DYM: variants seen among roughly 807,000 people sequenced by gnomAD.
DYM encodes the protein dyggve-Melchior-Clausen syndrome protein.
Under a neutral mutation model 93.1 loss-of-function variants are expected in DYM, and 78 were observed. That is an observed-to-expected ratio of 0.84 (90% CI 0.70 to 1.01). The LOEUF (loss-of-function observed/expected upper bound fraction) is 1.01, where lower values mean the gene tolerates loss of function less well. Among genes scored for constraint, DYM ranks in the 50% least tolerant of loss-of-function variants. DYM has a pLI of 0.00. For missense variants in DYM, 789 were observed against 845.0 expected, an observed-to-expected ratio of 0.93 and a Z score of 0.82; for synonymous variants, 321 against 319.7, an observed-to-expected ratio of 1.00 and a Z score of -0.04.
At chr18:49,283,865 CT>C (rs1187015304) in intron 9 of DYM, among the ~76,000 whole-genome samples, 2 of 152,178 alleles carry the variant, frequency 1.3e-5, no homozygotes, top group Non-Finnish European at 2.9e-5. Flanking sequence ...ACCAAAATGC[CT>C]TCAGGTTTAC....
At chr18:49,453,786 T>C (rs1481822994) in intron 1 of DYM, among the ~76,000 whole-genome samples, 2 of 152,210 alleles carry the variant, frequency 1.3e-5, no homozygotes, top group Non-Finnish European at 2.9e-5. Flanking sequence ...GAACTTCTTA[T>C]TGGGTTTGGT....
At chr18:49,179,676 A>C (rs1261924456) in intron 14 of DYM, among the ~76,000 whole-genome samples, 1 of 152,172 alleles carries the variant, frequency 6.6e-6, no homozygotes, top group Non-Finnish European at 1.5e-5. Flanking sequence ...CATAAGGTAG[A>C]TATTACTATC....
intron 16 of DYM, among the ~76,000 whole-genome samples, chr18:49,099,470 A>G (rs2145598538): frequency 6.6e-6 from 1 of 152,320 alleles, no homozygotes; most frequent in Non-Finnish European, 1.5e-5. Context: ...CTACAAGTAA[A>G]AAAATGAGGA....
chr18:49,407,209 G>C (rs991310447), intron 2 of DYM, among the ~76,000 whole-genome samples: 3 of 152,164 alleles, frequency 2.0e-5, no homozygotes, highest in Admixed American at 1.3e-4. Flanking sequence ...GGGGAGGAGA[G>C]GATGGGTGTG....
At chr18:49,215,221 C>G (rs965174596) in intron 13 of DYM, among the ~76,000 whole-genome samples, 4 of 152,146 alleles carry the variant, frequency 2.6e-5, no homozygotes, top group African/African-American at 9.7e-5. Flanking sequence ...TTGTGAATTT[C>G]TTCATCTTTT....
chr18:49,044,586 G>A (rs113196744), intron 17 of DYM, among the ~76,000 whole-genome samples: 3,773 of 152,364 alleles, frequency 0.025, 49 homozygotes, highest in South Asian at 0.067. Flanking sequence ...ACTGGCTTTT[G>A]AGAGGCACTG....
chr18:49,258,532 C>T (rs1403096527), intron 11 of DYM, 39 bp from the exon 12 acceptor site: 11 of 1,261,548 alleles, frequency 8.7e-6, no homozygotes, highest in Non-Finnish European at 1.2e-5. Flanking sequence ...AAAATGATTG[C>T]TTTACAGACA....
At chr18:49,261,523 C>T (rs538947533) in intron 11 of DYM, among the ~76,000 whole-genome samples, 8 of 152,184 alleles carry the variant, frequency 5.3e-5, no homozygotes, top group Admixed American at 3.3e-4. Context: ...ATTAGCCAGG[C>T]GAGGTGGCGT....
chr18:49,383,016 A>G (rs1354309741), intron 3 of DYM, among the ~76,000 whole-genome samples: 1 of 152,224 alleles, frequency 6.6e-6, no homozygotes, highest in African/African-American at 2.4e-5. Flanking sequence ...AGGAGAGAGG[A>G]CAAGATGACC....
chr18:49,143,150 T>C (rs944078150), intron 15 of DYM, among the ~76,000 whole-genome samples: 3 of 152,148 alleles, frequency 2.0e-5, no homozygotes, highest in African/African-American at 7.2e-5. Context: ...TCAATCCAAT[T>C]CTGGAAAGTA....
At chr18:49,212,621 A>T (rs926855867) in intron 13 of DYM, among the ~76,000 whole-genome samples, 1 of 152,008 alleles carries the variant, frequency 6.6e-6, no homozygotes, top group Non-Finnish European at 1.5e-5. Context: ...TCAGCCTCCC[A>T]AATAGCTGGA....
chr18:49,417,976 C>T (rs1217132043), intron 2 of DYM: 4 of 147,404 alleles, frequency 2.7e-5, no homozygotes, highest in Non-Finnish European at 4.5e-5. Flanking sequence ...AGGAGAATCA[C>T]TTAATCCCGG....
At chr18:49,320,823 C>T (rs1287735666) in intron 8 of DYM, among the ~76,000 whole-genome samples, 4 of 151,572 alleles carry the variant, frequency 2.6e-5, no homozygotes, top group East Asian at 1.9e-4. Flanking sequence ...CGTTAGTCTT[C>T]GAAAAAAATA....
chr18:49,159,584 T>A (rs138781963), intron 15 of DYM, among the ~76,000 whole-genome samples: 39 of 152,298 alleles, frequency 2.6e-4, no homozygotes, highest in African/African-American at 8.9e-4. Context: ...AAGTTACAGT[T>A]TAGAAGCAAG....
intron 15 of DYM, among the ~76,000 whole-genome samples, chr18:49,158,541 T>A (rs1309645707): frequency 6.6e-6 from 1 of 152,178 alleles, no homozygotes; most frequent in African/African-American, 2.4e-5. Flanking sequence ...CCATGTTATA[T>A]AAGTGTTAAA....
chr18:49,140,368 T>A (rs1372394403), intron 15 of DYM, among the ~76,000 whole-genome samples: 3 of 152,174 alleles, frequency 2.0e-5, no homozygotes, highest in Non-Finnish European at 4.4e-5. Flanking sequence ...TTCCTTGAAA[T>A]GGGCTGATCA....
In DYM at chr18:49,429,524, C is replaced by T. The variant is rs1239642596; in HGVS notation, c.140+731G>A. Among the ~76,000 whole-genome samples, 7 of 152,158 alleles carry T rather than the reference C, an allele frequency of 4.6e-5. 1 individual carries two copies. Among genetic ancestry groups the T allele is most frequent in the Admixed American group, 4.6e-4 (7 of 15,280 alleles). ...ATTAAATATGAGATATTATTTTTCA[C>T]CTCTGAAACTGGCAGAGGTCAAAGG... On this transcript the variant is annotated intron_variant, in intron 2 of 17. Coordinates refer to ENST00000675505, the MANE Select transcript of DYM (RefSeq NM_001353214.3).
At chr18:49,387,288 G>GT (rs200883739) in intron 3 of DYM, among the ~76,000 whole-genome samples, 13,831 of 151,548 alleles carry the variant, frequency 0.091, 840 homozygotes, top group East Asian at 0.31. Context: ...TCGTTTGTTT[G>GT]TTTTTTGTGA....
At chr18:49,209,197 C>G (rs2092667127) in intron 14 of DYM, among the ~76,000 whole-genome samples, 1 of 152,214 alleles carries the variant, frequency 6.6e-6, no homozygotes, top group South Asian at 2.1e-4. Flanking sequence ...AAGGAGAACT[C>G]AAAGGTCATA....
Sources: gnomAD v4.1 joint callset for allele counts (sites outside exome capture counted in the v4.1 genomes callset) on GRCh38, gnomAD v4.1.1 for gene constraint, MANE v1.5 for transcripts, NCBI Gene and HGNC (gene_info 2026-07-23, HGNC 2026-07-21) for gene names.